NPNT: variants seen among roughly 807,000 people sequenced by gnomAD.
The protein encoded by NPNT is nephronectin, also known as preosteoblast EGF-like repeat protein with MAM domain.
In NPNT, 45 loss-of-function variants were observed where a neutral mutation model predicts 68.6. That is an observed-to-expected ratio of 0.66 (90% confidence interval 0.52 to 0.84). The LOEUF (loss-of-function observed/expected upper bound fraction) is 0.84. NPNT is among the 40% of genes least tolerant of loss of function. The pLI, the probability that NPNT is intolerant of heterozygous loss-of-function variation, is 0.00. For synonymous variants in NPNT, 233 were observed against 253.3 expected, an observed-to-expected ratio of 0.92 and a Z score of 0.76; for missense variants, 672 against 714.8, an observed-to-expected ratio of 0.94 and a Z score of 0.68.
rs9992665 is a variant in NPNT, at chr4:105,940,244, T to C, written c.640+35T>C. On this transcript the variant is annotated intron_variant, in intron 6 of 11. Transcript: ENST00000379987. ...CCCAACCATTGCTTTGTGTTGTTTC[T>C]TCCTAGAGCACTGAAAGGTCTCGTA... 215 of 1,603,264 alleles carry C rather than the reference T, an allele frequency of 1.3e-4. No homozygotes were observed. In the African/African-American group the frequency reaches 2.5e-3, roughly 19 times the overall value.
At chr4:105,944,265 TCTCC>T (rs977425278) in intron 8 of NPNT, among the ~76,000 whole-genome samples, 4 of 152,206 alleles carry the variant, frequency 2.6e-5, no homozygotes, top group African/African-American at 9.6e-5. Context: ...ACTGTCTTTT[TCTCC>T]CTATTACTCT....
intron 5 of NPNT, 96 bp from the exon 6 acceptor site, chr4:105,939,979 C>A: frequency 9.4e-7 from 1 of 1,062,222 alleles, no homozygotes; most frequent in Non-Finnish European, 1.4e-6. Flanking sequence ...CCACTATATG[C>A]TAGGCAACCA....
intron 2 of NPNT, among the ~76,000 whole-genome samples, chr4:105,906,900 G>A (rs1005013524): frequency 3.3e-5 from 5 of 152,120 alleles, no homozygotes; most frequent in African/African-American, 9.7e-5. Context: ...GTTATGGCTT[G>A]GAATAAGGAG....
chr4:105,913,059 G>A (rs533215013), intron 2 of NPNT, among the ~76,000 whole-genome samples: 1 of 152,200 alleles, frequency 6.6e-6, no homozygotes, highest in East Asian at 1.9e-4. Flanking sequence ...TAGAGATGGG[G>A]TTTTGCCATG....
At chr4:105,931,564 C>T (rs1249321977) in intron 3 of NPNT, among the ~76,000 whole-genome samples, 1 of 151,764 alleles carries the variant, frequency 6.6e-6, no homozygotes, top group African/African-American at 2.4e-5. Flanking sequence ...GTGGCTCTAC[C>T]CTGTAATCCC....
chr4:105,922,294 T>C (rs535077774), intron 2 of NPNT, among the ~76,000 whole-genome samples: 1 of 152,104 alleles, frequency 6.6e-6, no homozygotes, highest in Admixed American at 6.6e-5. Context: ...GGGAGTTTAC[T>C]TTTCTCATAA....
In NPNT at chr4:105,955,167, G is replaced by A. The variant is rs547972999; in HGVS notation, c.1160-3304G>A. Among the ~76,000 whole-genome samples the A allele has an allele frequency of 7.9e-5, 12 of 152,254 alleles. No homozygotes were observed. The East Asian group carries it at 1.9e-3, about 24-fold the overall frequency. On this transcript the variant is annotated intron_variant, in intron 8 of 11. Transcript: ENST00000379987. ...TTCAACTGCAGAGAATAGCAGGTAT[G>A]CATTTGTTTTTATGAAATATATATA... is the stretch of plus-strand genomic sequence containing the variant.
chr4:105,914,799 G>A (rs1271082102), intron 2 of NPNT, among the ~76,000 whole-genome samples: 1 of 152,086 alleles, frequency 6.6e-6, no homozygotes, highest in African/African-American at 2.4e-5. Flanking sequence ...TCAGTAGCCA[G>A]AGGGAGGAGC....
chr4:105,952,807 A>G (rs774277122), intron 8 of NPNT, among the ~76,000 whole-genome samples: 1 of 152,132 alleles, frequency 6.6e-6, no homozygotes, highest in African/African-American at 2.4e-5. Context: ...TTCATGCTGC[A>G]CTCAGTCCAA....
At chr4:105,931,426 TG>T (rs1465654871) in intron 3 of NPNT, among the ~76,000 whole-genome samples, 1 of 152,122 alleles carries the variant, frequency 6.6e-6, no homozygotes, top group Non-Finnish European at 1.5e-5. Context: ...ATACTAATTT[TG>T]TGGACTAGTT....
intron 3 of NPNT, among the ~76,000 whole-genome samples, chr4:105,929,312 A>G (rs1728933386): frequency 6.6e-6 from 1 of 152,356 alleles, no homozygotes; most frequent in East Asian, 1.9e-4. Context: ...GAAATTATTC[A>G]TGAACCATCA....
At chr4:105,963,582 G>A (rs73836933) in intron 10 of NPNT, among the ~76,000 whole-genome samples, 14,263 of 151,888 alleles carry the variant, frequency 0.094, 865 homozygotes, top group African/African-American at 0.17. Context: ...ACATGGTGAT[G>A]CGCTGCAGGT....
At chr4:105,898,771 T>G (rs1051635997) in intron 2 of NPNT, among the ~76,000 whole-genome samples, 4 of 152,118 alleles carry the variant, frequency 2.6e-5, no homozygotes, top group African/African-American at 9.7e-5. Context: ...TTTGAGAAAT[T>G]TAGGAAATTT....
intron 3 of NPNT, among the ~76,000 whole-genome samples, chr4:105,935,557 G>A (rs1729430672): frequency 6.6e-6 from 1 of 152,168 alleles, no homozygotes; most frequent in African/African-American, 2.4e-5. Flanking sequence ...GGCGCTTTCT[G>A]TGAGGAAATT....
At chr4:105,934,363 G>A (rs1485734755) in intron 3 of NPNT, among the ~76,000 whole-genome samples, 2 of 152,146 alleles carry the variant, frequency 1.3e-5, no homozygotes, top group African/African-American at 2.4e-5. Flanking sequence ...AGGACAAAAA[G>A]GCTTCTCACC....
At chr4:105,953,873 T>G (rs774315961) in intron 8 of NPNT, among the ~76,000 whole-genome samples, 1 of 152,228 alleles carries the variant, frequency 6.6e-6, no homozygotes, top group Non-Finnish European at 1.5e-5. Flanking sequence ...TTGTTTCCTA[T>G]GAAACAGGAA....
At chr4:105,897,457 A>T (rs1031831061) in intron 1 of NPNT, among the ~76,000 whole-genome samples, 34 of 151,970 alleles carry the variant, frequency 2.2e-4, no homozygotes, top group Admixed American at 1.2e-3. Context: ...TGAGGCAGAA[A>T]TTTTTTCTGC....
At position 105,942,326 on chromosome 4, in the gene NPNT, T is replaced by G. The variant is rs1313226306; in HGVS notation, c.783T>G (p.Ile261Met). ...TTTCAGATATCCCAAAAGTTATGAT[T>G]GAACCTTCAGGTCCAATTCATGTAC... Reference protein sequence around the residue: ...LTCVYIPKVMIEPSGPIHVPK... With the variant: ...LTCVYIPKVMMEPSGPIHVPK... Residue 261 changes from isoleucine to methionine, a missense_variant, in exon 8 of 12, where the codon ATT (isoleucine) becomes ATG (methionine). Ile to Met is a conservative substitution (Grantham distance 10, BLOSUM62 1). Transcript: ENST00000379987. The G allele has an allele frequency of 1.2e-6, 2 of 1,600,998 alleles. No individual in the cohort carries two copies. The highest frequency in any genetic ancestry group is 2.7e-5 in the African/African-American group (2 of 74,642).
In NPNT at chr4:105,905,440, A is replaced by G. The variant is rs541808483; in HGVS notation, c.172+7439A>G. Among the ~76,000 whole-genome samples the G allele has an allele frequency of 1.4e-4, 21 of 152,294 alleles. No individual in the cohort carries two copies. In the South Asian group the frequency reaches 2.1e-3, roughly 15 times the overall value. On this transcript the variant is annotated intron_variant, in intron 2 of 11. Transcript: ENST00000379987. Reference sequence around the variant, plus strand: ...TTCCCACAGGCTACCACTGTTTCCTATTGATCCTTGTAGAGATTTCTTAAC... The same window carrying G: ...TTCCCACAGGCTACCACTGTTTCCTGTTGATCCTTGTAGAGATTTCTTAAC...
Sources: allele counts gnomAD v4.1 joint callset (sites outside exome capture counted in the v4.1 genomes callset), GRCh38; gene constraint gnomAD v4.1.1; transcripts MANE v1.5; gene names NCBI Gene and HGNC (gene_info 2026-07-23, HGNC 2026-07-21).